Variants in GRID2 observed in about 807,000 individuals in gnomAD.
GRID2 encodes the protein glutamate ionotropic receptor delta type subunit 2, also known as glutamate receptor ionotropic, delta-2.
GRID2 carries 33 observed loss-of-function variants against 114.8 expected under a neutral mutation model. The observed-to-expected ratio is 0.29, with a 90% confidence interval of 0.22 to 0.38. The LOEUF (loss-of-function observed/expected upper bound fraction) is 0.38. Ranked by LOEUF, GRID2 falls within the 10% of genes least tolerant of loss-of-function variation. The pLI is 1.00. For synonymous variants in GRID2, 505 were observed against 449.9 expected, an observed-to-expected ratio of 1.12 and a Z score of -1.55; for missense variants, 1,184 against 1,257.7, an observed-to-expected ratio of 0.94 and a Z score of 0.89.
At chr4:93,191,618 AT>A (rs1258529398) in intron 4 of GRID2, among the ~76,000 whole-genome samples, 1 of 152,128 alleles carries the variant, frequency 6.6e-6, no homozygotes, top group African/African-American at 2.4e-5. Flanking sequence ...TTTAAAAAAA[AT>A]CTTACCTTTG....
intron 7 of GRID2, among the ~76,000 whole-genome samples, chr4:93,231,726 G>A (rs1305956756): frequency 6.6e-6 from 1 of 152,128 alleles, no homozygotes; most frequent in Non-Finnish European, 1.5e-5. Flanking sequence ...GTTATCTACA[G>A]ACTAGTACGT....
chr4:92,633,345 A>C (rs556011053), intron 2 of GRID2, among the ~76,000 whole-genome samples: 1 of 152,286 alleles, frequency 6.6e-6, no homozygotes, highest in African/African-American at 2.4e-5. Flanking sequence ...AATTTGGAAA[A>C]TTAGACTGCC....
intron 10 of GRID2, among the ~76,000 whole-genome samples, chr4:93,447,032 A>G (rs1270490226): frequency 1.3e-5 from 2 of 151,930 alleles, no homozygotes; most frequent in Non-Finnish European, 2.9e-5. Context: ...AAAACACAAT[A>G]AAATTAAGAT....
intron 4 of GRID2, among the ~76,000 whole-genome samples, chr4:93,161,167 G>A (rs1737655160): frequency 6.6e-6 from 1 of 151,846 alleles, no homozygotes; most frequent in Non-Finnish European, 1.5e-5. Flanking sequence ...ATTTAAAAAG[G>A]ATTTAAGGAA....
At chr4:92,929,736 T>C (rs1750084018) in intron 2 of GRID2, among the ~76,000 whole-genome samples, 1 of 151,386 alleles carries the variant, frequency 6.6e-6, no homozygotes, top group African/African-American at 2.4e-5. Flanking sequence ...GATATTAAAA[T>C]CTCTCCTTTG....
chr4:93,604,505 T>C (rs1429396669), intron 13 of GRID2, among the ~76,000 whole-genome samples: 1 of 152,178 alleles, frequency 6.6e-6, no homozygotes, highest in Non-Finnish European at 1.5e-5. Flanking sequence ...CAACAAAGGA[T>C]TTAGAATATA....
chr4:93,677,627 A>C (rs1461518609), intron 14 of GRID2, among the ~76,000 whole-genome samples: 1 of 152,086 alleles, frequency 6.6e-6, no homozygotes, highest in Non-Finnish European at 1.5e-5. Flanking sequence ...GTTCATGAAA[A>C]TCCGCGGTTC....
chr4:92,973,118 G>C (rs1032723691), intron 2 of GRID2, among the ~76,000 whole-genome samples: 2 of 152,020 alleles, frequency 1.3e-5, no homozygotes, highest in African/African-American at 4.8e-5. Context: ...CTTTGCACAT[G>C]TGCCAAGTAA....
intron 2 of GRID2, among the ~76,000 whole-genome samples, chr4:93,039,342 T>G (rs1216953306): frequency 6.6e-6 from 1 of 151,868 alleles, no homozygotes; most frequent in Non-Finnish European, 1.5e-5. Context: ...AGGGGAGGGA[T>G]AGCATTAGGA....
At chr4:93,751,451 C>A (rs1228151525) in intron 14 of GRID2, among the ~76,000 whole-genome samples, 1 of 152,016 alleles carries the variant, frequency 6.6e-6, no homozygotes, top group Non-Finnish European at 1.5e-5. Flanking sequence ...ACATCAAATT[C>A]TCAGTATTGC....
chr4:92,826,399 C>T (rs1214802297), intron 2 of GRID2, among the ~76,000 whole-genome samples: 1 of 152,066 alleles, frequency 6.6e-6, no homozygotes, highest in Non-Finnish European at 1.5e-5. Flanking sequence ...CCCTAACACA[C>T]CATATTTTCT....
At chr4:92,581,693 G>C (rs894622121) in intron 1 of GRID2, among the ~76,000 whole-genome samples, 1 of 152,032 alleles carries the variant, frequency 6.6e-6, no homozygotes, top group African/African-American at 2.4e-5. Context: ...AGACAGTACT[G>C]AAAATTTCTC....
intron 9 of GRID2, among the ~76,000 whole-genome samples, chr4:93,406,829 A>G (rs925048162): frequency 6.6e-6 from 1 of 152,108 alleles, no homozygotes; most frequent in African/African-American, 2.4e-5. Context: ...CTGCACGCTC[A>G]TCTTCCCCTT....
chr4:92,906,906 C>T (rs932092276), intron 2 of GRID2, among the ~76,000 whole-genome samples: 3 of 152,162 alleles, frequency 2.0e-5, no homozygotes, highest in African/African-American at 7.2e-5. Flanking sequence ...AGCATAGCTT[C>T]ACTCTGGAGC....
intron 2 of GRID2, among the ~76,000 whole-genome samples, chr4:92,652,019 A>G (rs1314169232): frequency 6.6e-6 from 1 of 152,026 alleles, no homozygotes. Context: ...CCACTTCTTC[A>G]TGTACTTACT....
rs541773301 is a variant in GRID2 at position 92,508,045 on chromosome 4, C to T, written c.89-82086C>T. Among the ~76,000 whole-genome samples the T allele has an allele frequency of 4.6e-5, 7 of 152,022 alleles. No individual in the cohort carries two copies. In the East Asian group the frequency reaches 9.7e-4, roughly 21 times the overall value. ...TATTCTATTTTATTTATTTTAGTAG[C>T]ACTTTTTGCAGCATCATATTTTACT... On this transcript the variant is annotated intron_variant, in intron 1 of 15. Coordinates refer to ENST00000282020, the MANE Select transcript of GRID2 (RefSeq NM_001510.4).
intron 8 of GRID2, among the ~76,000 whole-genome samples, chr4:93,316,271 G>GA (rs1756580987): frequency 9.4e-6 from 1 of 106,122 alleles, no homozygotes. Flanking sequence ...GAAAGAGAAA[G>GA]AAAGAAAAGA....
intron 12 of GRID2, among the ~76,000 whole-genome samples, chr4:93,500,744 T>G (rs755572660): frequency 1.2e-4 from 18 of 152,032 alleles, no homozygotes; most frequent in Admixed American, 2.0e-4. Flanking sequence ...AGTGACTAAC[T>G]AGCACTGAGA....
intron 1 of GRID2, among the ~76,000 whole-genome samples, chr4:92,331,179 GA>G (rs1461315459): frequency 2.0e-5 from 3 of 152,072 alleles, no homozygotes; most frequent in Non-Finnish European, 4.4e-5. Flanking sequence ...TTTACTTTTT[GA>G]ATAAAGTTTT....
Sources: gnomAD v4.1 joint callset for allele counts (sites outside exome capture counted in the v4.1 genomes callset) on GRCh38, gnomAD v4.1.1 for gene constraint, MANE v1.5 for transcripts, NCBI Gene and HGNC (gene_info 2026-07-23, HGNC 2026-07-21) for gene names.